TET3: variants seen among roughly 807,000 people sequenced by gnomAD.
TET3 encodes methylcytosine dioxygenase TET3.
Under a neutral mutation model 141.4 loss-of-function variants are expected in TET3, and 19 were observed. The observed-to-expected ratio is 0.13, with a 90% CI of 0.09 to 0.20. TET3 has a LOEUF of 0.20. TET3 is among the 10% of genes least tolerant of loss of function. TET3 has a pLI of 1.00. For synonymous variants in TET3, 1,043 were observed against 980.9 expected, an observed-to-expected ratio of 1.06 and a Z score of -1.18; for missense variants, 1,874 against 2,356.9, an observed-to-expected ratio of 0.80 and a Z score of 4.24.
intron 3 of TET3, among the ~76,000 whole-genome samples, chr2:74,015,807 A>G (rs749209783): frequency 5.9e-5 from 9 of 152,138 alleles, no homozygotes; most frequent in Non-Finnish European, 1.3e-4. Flanking sequence ...ATATCTATCA[A>G]ATTTACCTTC....
At chr2:74,045,757 G>C (rs974503541) in intron 3 of TET3, among the ~76,000 whole-genome samples, 35 of 152,110 alleles carry the variant, frequency 2.3e-4, no homozygotes, top group Non-Finnish European at 5.9e-5. Flanking sequence ...AAGAACTATG[G>C]GTCCCCACTA....
rs372536879 is a variant in TET3 at position 74,047,094 on chromosome 2, C to T, written c.1177C>T (p.Pro393Ser). 2 of 1,613,890 alleles carry T rather than the reference C, an allele frequency of 1.2e-6. No homozygotes were observed. The highest frequency in any genetic ancestry group is 1.7e-5 in the Admixed American group (1 of 60,006). ...TCCTGAGGCCTTGTCACCTCCTGCCCCTTTCAGATCTCCCCAGTCTTACCT... is the reference window on the plus strand; with the variant it reads ...TCCTGAGGCCTTGTCACCTCCTGCCTCTTTCAGATCTCCCCAGTCTTACCT... ...PLPEALSPPA[P>S]FRSPQSYLRA... The change falls in exon 4 of 12, where the codon CCT becomes TCT. Residue 393 changes from proline to serine, a missense_variant. This residue lies in a region of TET3 where 484 missense variants were observed against 462.2 expected (regional missense o/e 1.05). Transcript: ENST00000409262.
intron 4 of TET3, among the ~76,000 whole-genome samples, chr2:74,069,513 C>A (rs1689091198): frequency 6.6e-6 from 1 of 151,406 alleles, no homozygotes; most frequent in African/African-American, 2.4e-5. Flanking sequence ...ATAAAATGAA[C>A]CTGTGTGACC....
intron 3 of TET3, among the ~76,000 whole-genome samples, chr2:74,013,581 G>T (rs1295249070): frequency 2.0e-5 from 3 of 151,978 alleles, no homozygotes; most frequent in East Asian, 3.9e-4. Context: ...AGGCCGAGGT[G>T]GGTGGATCAC....
the TET3 span, among the ~76,000 whole-genome samples, chr2:74,120,174 C>A: frequency 6.6e-6 from 1 of 152,228 alleles, no homozygotes; most frequent in Non-Finnish European, 1.5e-5. Context: ...GGGCTCCTCC[C>A]GGGGGAACTC....
At chr2:73,991,753 T>C (rs977784003) in intron 2 of TET3, among the ~76,000 whole-genome samples, 1 of 132,724 alleles carries the variant, frequency 7.5e-6, no homozygotes, top group Non-Finnish European at 1.5e-5. Flanking sequence ...TGCAGTGAGC[T>C]GAAATTGCGC....
chr2:74,068,735 A>G (rs1689041385), intron 4 of TET3, among the ~76,000 whole-genome samples: 1 of 152,216 alleles, frequency 6.6e-6, no homozygotes, highest in African/African-American at 2.4e-5. Flanking sequence ...CACCAACACA[A>G]TGACTTATCA....
At chr2:74,030,039 C>T (rs1355490813) in intron 3 of TET3, among the ~76,000 whole-genome samples, 2 of 152,108 alleles carry the variant, frequency 1.3e-5, no homozygotes, top group Admixed American at 1.3e-4. Flanking sequence ...CAAAATCAAA[C>T]GTCTAAAAAG....
the TET3 span, chr2:74,134,550 G>T: frequency 2.7e-6 from 1 of 372,992 alleles, no homozygotes; most frequent in Non-Finnish European, 5.4e-6. Context: ...AACTTCTCTG[G>T]TGGTCGGTTC....
At position 74,099,491 on chromosome 2, in the gene TET3, G is replaced by A. The variant is rs373217541; in HGVS notation, c.3483G>A (p.Gln1161=). 6.2e-7 allele frequency: 1 copy of A among 1,613,486 alleles called. No homozygotes were observed. Among genetic ancestry groups the A allele is most frequent in the African/African-American group, 1.3e-5 (1 of 74,934 alleles). Reference sequence around the variant, plus strand: ...CCGAGCCTGCCAAGTCCTGCCGCCAGCGGCAGCTGGAAGCCAGAAAGGCAG... The same window carrying A: ...CCGAGCCTGCCAAGTCCTGCCGCCAACGGCAGCTGGAAGCCAGAAAGGCAG... ...RLPEPAKSCR[Q]RQLEARKAAA... The change falls in exon 11 of 12, where the codon CAG becomes CAA. Residue 1161 remains glutamine (Q), a synonymous_variant. Coordinates refer to ENST00000409262, the MANE Select transcript of TET3 (RefSeq NM_001287491.2).
chr2:74,017,616 C>T (rs920368132), intron 3 of TET3, among the ~76,000 whole-genome samples: 2 of 152,120 alleles, frequency 1.3e-5, no homozygotes, highest in Non-Finnish European at 2.9e-5. Flanking sequence ...ATTATGTGCA[C>T]GTACCACGTG....
At chr2:74,132,045 G>C in the TET3 span, among the ~76,000 whole-genome samples, 60 of 152,248 alleles carry the variant, frequency 3.9e-4, no homozygotes, top group South Asian at 1.0e-3. Context: ...CTGGTGTCCG[G>C]AGGTTCCTAG....
intron 3 of TET3, among the ~76,000 whole-genome samples, chr2:74,038,997 C>T (rs533037872): frequency 6.6e-6 from 1 of 152,256 alleles, no homozygotes; most frequent in Admixed American, 6.5e-5. Context: ...TGCCTTAGTT[C>T]AGGTCCTTAT....
chr2:73,994,336 T>C (rs116674425), intron 2 of TET3, among the ~76,000 whole-genome samples: 371 of 152,326 alleles, frequency 2.4e-3, no homozygotes, highest in Non-Finnish European at 4.2e-3. Context: ...GTCAGTTCCC[T>C]CACTGGAGGG....
chr2:74,110,565 A>G (rs1328765902), downstream of TET3, among the ~76,000 whole-genome samples: 1 of 152,206 alleles, frequency 6.6e-6, no homozygotes, highest in Non-Finnish European at 1.5e-5. Context: ...CATTCTTGTC[A>G]GAGCCATGAA....
chr2:74,043,916 T>G (rs1687474854), intron 3 of TET3, among the ~76,000 whole-genome samples: 1 of 151,886 alleles, frequency 6.6e-6, no homozygotes, highest in African/African-American at 2.4e-5. Flanking sequence ...TCCCAACACT[T>G]TAGGAGGCTA....
At chr2:74,116,984 C>A in the TET3 span, among the ~76,000 whole-genome samples, 3 of 151,944 alleles carry the variant, frequency 2.0e-5, no homozygotes, top group South Asian at 4.2e-4. Context: ...CCAGGGAACT[C>A]AGGGAAGCAC....
chr2:74,037,233 G>C (rs1202388450), intron 3 of TET3, among the ~76,000 whole-genome samples: 1 of 152,164 alleles, frequency 6.6e-6, no homozygotes, highest in South Asian at 2.1e-4. Context: ...TTCTGCACTC[G>C]CTTATTAGTT....
rs577926038 is a variant in TET3, at chr2:74,046,920, G to A, written c.1003G>A (p.Glu335Lys). The A allele has an allele frequency of 6.2e-7, 1 of 1,613,882 alleles. No homozygotes were observed. The highest frequency in any genetic ancestry group is 1.1e-5 in the South Asian group (1 of 91,086). Residue 335 changes from glutamate (E) to lysine (K), a missense_variant, in exon 4 of 12, where the codon GAG becomes AAG. By Grantham distance (56) the Glu-to-Lys change is moderately conservative (BLOSUM62 1). This residue lies in a region of TET3 where 366 missense variants were observed against 487.0 expected (regional missense o/e 0.75). Coordinates refer to ENST00000409262, the MANE Select transcript of TET3 (RefSeq NM_001287491.2). The surrounding 1 kb of genome is among the most constrained non-coding windows in gnomAD (Gnocchi z 4.3). ...SSEVPQISPQEGLPLSQSALS... is the reference protein window; with the variant it reads ...SSEVPQISPQKGLPLSQSALS... ...AGAGGTGCCCCAGATCTCTCCCCAA[G>A]AGGGCCTGCCCCTGTCCCAGAGTGC...
Sources: allele counts gnomAD v4.1 joint callset (sites outside exome capture counted in the v4.1 genomes callset), GRCh38; gene constraint gnomAD v4.1.1; regional missense constraint gnomAD v4.1.1; non-coding constraint Gnocchi (gnomAD v3.1); transcripts MANE v1.5; gene names NCBI Gene and HGNC (gene_info 2026-07-23, HGNC 2026-07-21).